SRGAP2C: variants seen among roughly 807,000 people sequenced by gnomAD.
SRGAP2C encodes SLIT-ROBO Rho GTPase-activating protein 2C.
In SRGAP2C, 15 loss-of-function variants were observed where a neutral mutation model predicts 25.1. The observed-to-expected ratio is 0.60, with a 90% CI of 0.40 to 0.92. The LOEUF is 0.92. Ranked by LOEUF, SRGAP2C falls within the 40% of genes least tolerant of loss-of-function variation. SRGAP2C has a pLI of 0.00. For synonymous variants in SRGAP2C, 44 were observed against 96.6 expected, an observed-to-expected ratio of 0.46 and a Z score of 3.19; for missense variants, 144 against 264.4, an observed-to-expected ratio of 0.54 and a Z score of 3.16.
chr1:121,288,330 T>A (rs1211980353), intron 3 of SRGAP2C, among the ~76,000 whole-genome samples: 1 of 142,176 alleles, frequency 7.0e-6, no homozygotes, highest in Non-Finnish European at 1.5e-5. Context: ...CTGATTGGTG[T>A]GTTTACAAAC....
chr1:121,191,564 T>TGAAG (rs1415965110), intron 2 of SRGAP2C, among the ~76,000 whole-genome samples: 2 of 148,234 alleles, frequency 1.3e-5, no homozygotes, highest in Non-Finnish European at 3.0e-5. Context: ...GGTCATAAAC[T>TGAAG]GAAGCCTTTG....
intron 2 of SRGAP2C, among the ~76,000 whole-genome samples, chr1:121,202,058 C>T (rs1654997889): frequency 6.6e-6 from 1 of 152,182 alleles, no homozygotes; most frequent in Admixed American, 6.5e-5. Flanking sequence ...CTTTAAAATC[C>T]TTTCCAGAAT....
intron 2 of SRGAP2C, among the ~76,000 whole-genome samples, chr1:121,222,631 A>G (rs1553325865): frequency 6.6e-6 from 1 of 152,140 alleles, no homozygotes; most frequent in Non-Finnish European, 1.5e-5. Context: ...TGTCTCAAAA[A>G]CAAGCTAACA....
At chr1:121,323,951 A>G (rs1410559824) in intron 3 of SRGAP2C, among the ~76,000 whole-genome samples, 1 of 152,182 alleles carries the variant, frequency 6.6e-6, no homozygotes, top group Non-Finnish European at 1.5e-5. Flanking sequence ...CCTAGAGACA[A>G]ACCAAATGAC....
chr1:121,200,093 C>T (rs1437505660), intron 2 of SRGAP2C, among the ~76,000 whole-genome samples: 1 of 150,330 alleles, frequency 6.7e-6, no homozygotes, highest in Non-Finnish European at 1.5e-5. Context: ...ACTTGATGGG[C>T]CTACAGGTGA....
At chr1:121,236,546 G>C (rs1553328701) in intron 2 of SRGAP2C, among the ~76,000 whole-genome samples, 1 of 152,056 alleles carries the variant, frequency 6.6e-6, no homozygotes, top group Non-Finnish European at 1.5e-5. Flanking sequence ...TGGGCCCTGT[G>C]TTCTACCAGC....
At chr1:121,310,713 T>A (rs1163000452) in intron 3 of SRGAP2C, among the ~76,000 whole-genome samples, 22 of 90,610 alleles carry the variant, frequency 2.4e-4, no homozygotes, top group African/African-American at 7.9e-4. Context: ...TTTCTCAGGT[T>A]TGTCAAAGAT....
intron 8 of SRGAP2C, among the ~76,000 whole-genome samples, chr1:121,383,396 G>A (rs1553355604): frequency 6.6e-6 from 1 of 152,070 alleles, no homozygotes; most frequent in Non-Finnish European, 1.5e-5. Context: ...CGAGGGCTAG[G>A]TAGGGAATGC....
chr1:121,280,086 A>G (rs1657207007), intron 2 of SRGAP2C, among the ~76,000 whole-genome samples: 1 of 150,412 alleles, frequency 6.6e-6, no homozygotes, highest in South Asian at 2.1e-4. Flanking sequence ...CAATTTTTTA[A>G]ACATATTCAC....
intron 2 of SRGAP2C, among the ~76,000 whole-genome samples, chr1:121,263,078 G>T (rs1416053519): frequency 6.6e-6 from 1 of 151,898 alleles, no homozygotes; most frequent in East Asian, 1.9e-4. Context: ...TTGAGACTGG[G>T]TGTGGTGGCT....
chr1:121,368,051 G>A (rs587652406), intron 5 of SRGAP2C, among the ~76,000 whole-genome samples: 25 of 105,166 alleles, frequency 2.4e-4, no homozygotes, highest in Non-Finnish European at 4.1e-4. Flanking sequence ...ACTCCAGCCT[G>A]GGCAACAGAG....
chr1:121,289,566 G>GAGGC (rs1255323339), intron 3 of SRGAP2C, among the ~76,000 whole-genome samples: 20 of 106,960 alleles, frequency 1.9e-4, no homozygotes, highest in African/African-American at 6.1e-4. Flanking sequence ...GTGCAGGGGG[G>GAGGC]AGGCTGAAGG....
chr1:121,268,432 C>T (rs1656859570), intron 2 of SRGAP2C, among the ~76,000 whole-genome samples: 1 of 151,842 alleles, frequency 6.6e-6, no homozygotes, highest in Non-Finnish European at 1.5e-5. Context: ...ACCTTTTCTC[C>T]ACTGGGAAGC....
intron 2 of SRGAP2C, among the ~76,000 whole-genome samples, chr1:121,236,069 CAAA>C (rs587656979): frequency 2.8e-5 from 3 of 108,022 alleles, no homozygotes; most frequent in Admixed American, 9.6e-5. Flanking sequence ...TGTTTTCTGG[CAAA>C]AAAAAAAAAA....
chr1:121,314,623 T>G (rs1242646476), intron 3 of SRGAP2C, among the ~76,000 whole-genome samples: 368 of 150,770 alleles, frequency 2.4e-3, no homozygotes, highest in Middle Eastern at 3.4e-3. Flanking sequence ...GTCCTTTCTG[T>G]TTGTTAGTTT....
At chr1:121,236,294 G>A (rs1216538716) in intron 2 of SRGAP2C, among the ~76,000 whole-genome samples, 2 of 151,696 alleles carry the variant, frequency 1.3e-5, no homozygotes, top group Admixed American at 6.6e-5. Context: ...ATGTAGTTCT[G>A]CCTCACTCTT....
intron 4 of SRGAP2C, among the ~76,000 whole-genome samples, chr1:121,335,813 T>A (rs1397307734): frequency 2.2e-4 from 33 of 151,070 alleles, no homozygotes; most frequent in Middle Eastern, 3.4e-3. Context: ...GTTTATTGAT[T>A]TTCCTCTTGA....
intron 8 of SRGAP2C, among the ~76,000 whole-genome samples, chr1:121,384,807 C>T (rs1330359404): frequency 6.6e-6 from 1 of 152,048 alleles, no homozygotes; most frequent in Non-Finnish European, 1.5e-5. Context: ...ACCCTGGTAG[C>T]GGACCACTGT....
chr1:121,357,432 G>T (rs1487196804), intron 4 of SRGAP2C, among the ~76,000 whole-genome samples: 2 of 150,472 alleles, frequency 1.3e-5, no homozygotes, highest in African/African-American at 2.5e-5. Context: ...GAAGGTAATT[G>T]TATCCTCCTT....
Sources: allele counts gnomAD v4.1 joint callset (sites outside exome capture counted in the v4.1 genomes callset), GRCh38; gene constraint gnomAD v4.1.1; transcripts MANE v1.5; gene names NCBI Gene and HGNC (gene_info 2026-07-23, HGNC 2026-07-21).